CSNK1G2: variants seen among roughly 807,000 people sequenced by gnomAD.
CSNK1G2 encodes casein kinase 1 gamma 2, also known as casein kinase I isoform gamma-2.
CSNK1G2 carries 11 observed loss-of-function variants against 48.0 expected under a neutral mutation model. The observed-to-expected ratio is 0.23, with a 90% CI of 0.14 to 0.38. CSNK1G2 has a LOEUF of 0.38. CSNK1G2 is among the 10% of genes least tolerant of loss of function. The pLI, the probability that CSNK1G2 is intolerant of heterozygous loss-of-function variation, is 1.00. For missense variants in CSNK1G2, 446 were observed against 595.5 expected, an observed-to-expected ratio of 0.75 and a Z score of 2.61; for synonymous variants, 337 against 254.1, an observed-to-expected ratio of 1.33 and a Z score of -3.10.
rs2015899528 is a variant in CSNK1G2 at position 1,979,543 on chromosome 19, A to C, written c.902A>C (p.Glu301Ala). 6.2e-7 allele frequency: 1 copy of C among 1,608,014 alleles called. No individual in the cohort carries two copies. Among genetic ancestry groups the C allele is most frequent in the Admixed American group, 1.7e-5 (1 of 59,724 alleles). ...LRYVRRLDFF[E>A]KPDYDYLRKL... is the part of the protein sequence containing the mutation. Reference sequence around the variant, plus strand: ...TATGTGCGGCGCCTGGACTTCTTCGAGAAGCCCGACTATGACTACCTGCGG... The same window carrying C: ...TATGTGCGGCGCCTGGACTTCTTCGCGAAGCCCGACTATGACTACCTGCGG... The change falls in exon 9 of 12, where the codon GAG becomes GCG. Residue 301 changes from glutamate to alanine, a missense_variant. Glu to Ala is a moderately radical substitution (Grantham distance 107). Coordinates refer to ENST00000255641, the MANE Select transcript of CSNK1G2 (RefSeq NM_001319.7).
intron 1 of CSNK1G2, among the ~76,000 whole-genome samples, chr19:1,950,770 G>A (rs928705009): frequency 1.4e-5 from 2 of 146,282 alleles, no homozygotes; most frequent in Non-Finnish European, 3.0e-5. Flanking sequence ...CCAGTGTCAG[G>A]TGGGGACCTG....
At chr19:1,961,475 G>A (rs2041120) in intron 1 of CSNK1G2, among the ~76,000 whole-genome samples, 51,905 of 152,226 alleles carry the variant, frequency 0.34, 9,085 homozygotes, top group East Asian at 0.49. Flanking sequence ...GGCCATTGCT[G>A]TCCGTTTCTC....
chr19:1,948,795 G>A (rs941834345), intron 1 of CSNK1G2, among the ~76,000 whole-genome samples: 2 of 152,198 alleles, frequency 1.3e-5, no homozygotes, highest in Non-Finnish European at 2.9e-5. Context: ...TGCCGCTGCC[G>A]ACAGCCTGCT....
In CSNK1G2 at chr19:1,959,848, T is replaced by C. The variant is rs1325602661; in HGVS notation, c.-265-9660T>C. 1.5e-3 allele frequency among the ~76,000 whole-genome samples: 147 copies of C among 97,788 alleles called. 7 individuals carry two copies. Among genetic ancestry groups the C allele is most frequent in the African/African-American group, 4.3e-3 (86 of 20,126 alleles). The allele number at this position is 97,788 out of a possible 152,430, so 64.2% of individuals were successfully genotyped here. A position where few individuals can be genotyped will look rare whatever the true frequency, so the allele number is the denominator to read the frequency against. Reference sequence around the variant, plus strand: ...GTACCACCCTGAGTCCCCCAGCACCTGTGCCACCTTTAGTGCCACCGTGGG... The same window carrying C: ...GTACCACCCTGAGTCCCCCAGCACCCGTGCCACCTTTAGTGCCACCGTGGG... On this transcript the variant is annotated intron_variant, in intron 1 of 11. Coordinates refer to ENST00000255641, the MANE Select transcript of CSNK1G2 (RefSeq NM_001319.7).
chr19:1,967,044 T>C (rs1329642863), intron 1 of CSNK1G2, among the ~76,000 whole-genome samples: 1 of 97,376 alleles, frequency 1.0e-5, no homozygotes, highest in Non-Finnish European at 1.8e-5. Flanking sequence ...TTAATTAAAG[T>C]GTGTCCTTTG....
intron 1 of CSNK1G2, among the ~76,000 whole-genome samples, chr19:1,946,289 T>TATTTATTATTTATTTATTTATTTA (rs56098852): frequency 2.1e-5 from 3 of 143,874 alleles, no homozygotes; most frequent in South Asian, 4.5e-4. Context: ...TTTATTTATT[T>TATTTATTATTTATTTATTTATTTA]TTTATTTATT....
At chr19:1,979,443 C>G in intron 8 of CSNK1G2, 40 bp downstream of exon 8, 4 of 1,391,044 alleles carry the variant, frequency 2.9e-6, no homozygotes, top group Non-Finnish European at 3.9e-6. Context: ...CCCCCCACCC[C>G]CCACCCCCCA....
At chr19:1,977,685 A>C (rs1267760305) in intron 2 of CSNK1G2, among the ~76,000 whole-genome samples, 1 of 151,678 alleles carries the variant, frequency 6.6e-6, no homozygotes, top group Non-Finnish European at 1.5e-5. Context: ...CCTGGGAGAC[A>C]AAGGCTGCAG....
chr19:1,959,626 A>C (rs2015126195), intron 1 of CSNK1G2, among the ~76,000 whole-genome samples: 4 of 122,782 alleles, frequency 3.3e-5, no homozygotes, highest in Admixed American at 1.6e-4. Context: ...CACCCGTGCC[A>C]CCTTTAGTGC....
chr19:1,971,109 T>C (rs1168315033), intron 2 of CSNK1G2, among the ~76,000 whole-genome samples: 2 of 152,198 alleles, frequency 1.3e-5, no homozygotes, highest in Non-Finnish European at 2.9e-5. Flanking sequence ...TGAATGGTAG[T>C]TGCCACTCGT....
In CSNK1G2 at chr19:1,978,844, C is replaced by T. The variant is rs747829898; in HGVS notation, c.448-15C>T. ...CGGGGAGGGGCCCGGCCGACACCGC[C>T]GTGCCCCCCTGCAGATCACGCGCAT... is the stretch of plus-strand genomic sequence containing the variant. On this transcript the variant is annotated splice_polypyrimidine_tract_variant and intron_variant, in intron 5 of 11. Coordinates refer to ENST00000255641, the MANE Select transcript of CSNK1G2 (RefSeq NM_001319.7). The surrounding 1 kb of genome is among the most constrained non-coding windows in gnomAD (Gnocchi z 7.3). 11 of 1,596,748 alleles carry T rather than the reference C, an allele frequency of 6.9e-6. No homozygotes were observed. The highest frequency in any genetic ancestry group is 1.7e-4 in the Middle Eastern group (1 of 6,040).
At chr19:1,970,778 C>G (rs1458795109) in intron 2 of CSNK1G2, among the ~76,000 whole-genome samples, 1 of 152,224 alleles carries the variant, frequency 6.6e-6, no homozygotes, top group Non-Finnish European at 1.5e-5. Flanking sequence ...GGTGCACCCC[C>G]AGTCAGTGTC....
chr19:1,951,020 T>C (rs1211584398), intron 1 of CSNK1G2, among the ~76,000 whole-genome samples: 1 of 145,880 alleles, frequency 6.9e-6, no homozygotes. Context: ...GTGGTCTGTG[T>C]CTGTCCCCTG....
intron 1 of CSNK1G2, among the ~76,000 whole-genome samples, chr19:1,949,665 C>T (rs1052838430): frequency 5.9e-5 from 9 of 152,262 alleles, no homozygotes; most frequent in Non-Finnish European, 8.8e-5. Flanking sequence ...GGGCCACTCC[C>T]GGTTGGACCA....
rs370452191 is a variant in CSNK1G2 at position 1,968,400 on chromosome 19, C to G, written c.-265-1108C>G. Among the ~76,000 whole-genome samples the G allele has an allele frequency of 3.7e-4, 57 of 152,240 alleles. No individual in the cohort carries two copies. In the East Asian group the frequency reaches 4.6e-3, roughly 12 times the overall value. ...CCCCAGGCTGTCCCGAGGCTCCTTGCTGGGGACCGTCCTGCCTCCCGTCGG... is the reference window on the plus strand; with the variant it reads ...CCCCAGGCTGTCCCGAGGCTCCTTGGTGGGGACCGTCCTGCCTCCCGTCGG... On this transcript the variant is annotated intron_variant, in intron 1 of 11. Coordinates refer to ENST00000255641, the MANE Select transcript of CSNK1G2 (RefSeq NM_001319.7).
rs1231638212 is a variant in CSNK1G2, at chr19:1,980,480, A to C, written c.*277A>C. The stretch of plus-strand genomic sequence containing the variant: ...TTAAAACAAGGAAAAGAGGAAAAAA[A>C]AAACAGAGGCCCGCCCTACCCCACT... On this transcript the variant is annotated 3_prime_UTR_variant, in exon 12 of 12. Coordinates refer to ENST00000255641, the MANE Select transcript of CSNK1G2 (RefSeq NM_001319.7). 15 of 508,430 alleles carry C rather than the reference A, an allele frequency of 3.0e-5. No homozygotes were observed. Among genetic ancestry groups the C allele is most frequent in the Middle Eastern group, 4.8e-4 (1 of 2,090 alleles). The allele number at this position is 508,430 out of a possible 1,614,324, so 31.5% of individuals were successfully genotyped here.
intron 1 of CSNK1G2, among the ~76,000 whole-genome samples, chr19:1,965,119 G>T (rs2015323907): frequency 6.6e-6 from 1 of 150,448 alleles, no homozygotes; most frequent in South Asian, 2.1e-4. Flanking sequence ...TTTCCGGCCG[G>T]GCGCGGTGGC....
At chr19:1,971,737 G>T (rs1406744420) in intron 2 of CSNK1G2, among the ~76,000 whole-genome samples, 4 of 151,804 alleles carry the variant, frequency 2.6e-5, no homozygotes, top group South Asian at 2.1e-4. Flanking sequence ...GTCCCTGTAG[G>T]CAGATGAGAG....
intron 2 of CSNK1G2, among the ~76,000 whole-genome samples, chr19:1,970,297 C>T (rs1267982776): frequency 6.6e-6 from 1 of 152,252 alleles, no homozygotes; most frequent in Non-Finnish European, 1.5e-5. Flanking sequence ...CTGGGCGAAG[C>T]CCCGGCTTTA....
Sources: gnomAD v4.1 joint callset for allele counts (sites outside exome capture counted in the v4.1 genomes callset) on GRCh38, gnomAD v4.1.1 for gene constraint, Gnocchi (gnomAD v3.1) non-coding constraint, MANE v1.5 for transcripts, NCBI Gene and HGNC (gene_info 2026-07-23, HGNC 2026-07-21) for gene names.